The following CDK19 variants were observed in gnomAD, a reference collection of about 807,000 sequenced individuals.
CDK19 encodes the protein cyclin-dependent kinase 19.
In CDK19, 20 loss-of-function variants were observed where a neutral mutation model predicts 68.3. The ratio of observed to expected loss-of-function variants is 0.29; its 90% CI spans 0.21 to 0.43. CDK19 has a LOEUF of 0.43. Ranked by LOEUF, CDK19 falls within the 20% of genes least tolerant of loss-of-function variation. The probability of loss-of-function intolerance (pLI) is 1.00; values close to 1 mark genes in which losing one functional copy is unlikely to be tolerated. For missense variants in CDK19, 339 were observed against 623.5 expected (o/e 0.54, Z 4.86); for synonymous variants, 221 against 222.8 (o/e 0.99, Z 0.07).
chr6:110,675,418 G>A (rs923979502), intron 2 of CDK19, among the ~76,000 whole-genome samples: 7 of 151,952 alleles, frequency 4.6e-5, no homozygotes, highest in South Asian at 2.1e-4. Flanking sequence ...ACCTGAGGTC[G>A]GGAGTTCGAG....
intron 1 of CDK19, among the ~76,000 whole-genome samples, chr6:110,763,678 G>C (rs1016410118): frequency 2.6e-5 from 4 of 151,808 alleles, no homozygotes; most frequent in African/African-American, 9.7e-5. Context: ...GACTCCCAAA[G>C]TGCTGGGATT....
chr6:110,815,141 T>C lies in CDK19; in HGVS notation c.-5A>G. ...CGCCTTGAAATCATAATCCATTGTC[T>C]GCTTCCCCCATAGAGGCACGGGACG... On this transcript the variant is annotated 5_prime_UTR_variant, in exon 1 of 13. Transcript: ENST00000368911. 2 of 1,590,592 alleles carry C rather than the reference T, an allele frequency of 1.3e-6. No homozygotes were observed. Among genetic ancestry groups the C allele is most frequent in the Non-Finnish European group, 1.7e-6 (2 of 1,170,296 alleles).
intron 4 of CDK19, among the ~76,000 whole-genome samples, chr6:110,647,111 T>A (rs1470458851): frequency 1.3e-5 from 2 of 152,004 alleles, no homozygotes; most frequent in Non-Finnish European, 2.9e-5. Context: ...CTCCCCTCTA[T>A]CACCCCCAAA....
intron 2 of CDK19, among the ~76,000 whole-genome samples, chr6:110,685,143 A>C (rs961544685): frequency 2.1e-4 from 32 of 152,196 alleles, no homozygotes; most frequent in Non-Finnish European, 4.0e-4. Context: ...GTCTCAAAAA[A>C]AAAGAAAAGA....
chr6:110,740,523 G>C (rs965736989), intron 2 of CDK19, among the ~76,000 whole-genome samples: 2 of 152,112 alleles, frequency 1.3e-5, no homozygotes, highest in Non-Finnish European at 2.9e-5. Flanking sequence ...AGTGAGACGA[G>C]GTAATAACAC....
At chr6:110,758,075 C>G (rs1009385193) in intron 1 of CDK19, among the ~76,000 whole-genome samples, 1 of 151,972 alleles carries the variant, frequency 6.6e-6, no homozygotes, top group African/African-American at 2.4e-5. Flanking sequence ...ACCTGTGGTC[C>G]CAGCTACTCA....
At chr6:110,646,354 T>G (rs977575011) in intron 4 of CDK19, 1 of 1,464,304 alleles carries the variant, frequency 6.8e-7, no homozygotes, top group Admixed American at 2.5e-5. Flanking sequence ...TTCGAGTGCC[T>G]CTTCCATGTG....
chr6:110,783,580 G>A (rs958978934), intron 1 of CDK19, among the ~76,000 whole-genome samples: 7 of 150,118 alleles, frequency 4.7e-5, no homozygotes, highest in African/African-American at 7.4e-5. Context: ...GGAGGTTTCC[G>A]TGAGCCGAGA....
At chr6:110,728,572 T>TAAA (rs11378068) in intron 2 of CDK19, among the ~76,000 whole-genome samples, 20,473 of 144,516 alleles carry the variant, frequency 0.14, 1,546 homozygotes, top group East Asian at 0.31. Context: ...GTCAGAGTGG[T>TAAA]AAAAAAAAAA....
chr6:110,780,679 T>G (rs760863350), intron 1 of CDK19, among the ~76,000 whole-genome samples: 1 of 152,086 alleles, frequency 6.6e-6, no homozygotes, highest in Non-Finnish European at 1.5e-5. Context: ...AACAAATATT[T>G]ATTGAGGATC....
intron 1 of CDK19, among the ~76,000 whole-genome samples, chr6:110,781,828 C>T (rs1264003753): frequency 2.0e-5 from 3 of 150,860 alleles, no homozygotes; most frequent in African/African-American, 7.3e-5. Flanking sequence ...AACGTGAGAC[C>T]CTGTCTCAAA....
At chr6:110,814,836 G>A (rs1370760882) in intron 1 of CDK19, 173 bp downstream of exon 1, 2 of 836,572 alleles carry the variant, frequency 2.4e-6, no homozygotes, top group South Asian at 1.5e-5. Flanking sequence ...GGGCCGCGCG[G>A]GGGAGGCGGG....
chr6:110,814,529 G>C (rs1295169096), intron 1 of CDK19: 1 of 451,588 alleles, frequency 2.2e-6, no homozygotes, highest in African/African-American at 2.0e-5. Context: ...GAGGACCCCA[G>C]GCCGCGTTCG....
chr6:110,811,140 G>C (rs1418517431), intron 1 of CDK19, among the ~76,000 whole-genome samples: 1 of 152,064 alleles, frequency 6.6e-6, no homozygotes, highest in Non-Finnish European at 1.5e-5. Context: ...CTAAAACTTT[G>C]GAAAGTTCTA....
chr6:110,664,800 C>CA (rs1398588747), intron 4 of CDK19, among the ~76,000 whole-genome samples: 1 of 152,010 alleles, frequency 6.6e-6, no homozygotes, highest in Non-Finnish European at 1.5e-5. Context: ...GAACCAACAA[C>CA]AAGAAGAGAT....
intron 2 of CDK19, among the ~76,000 whole-genome samples, chr6:110,725,286 T>C (rs1029391644): frequency 5.9e-5 from 9 of 151,940 alleles, no homozygotes; most frequent in African/African-American, 1.9e-4. Context: ...ACTGAGGTAA[T>C]AGAAATTAAA....
intron 2 of CDK19, among the ~76,000 whole-genome samples, chr6:110,731,180 TC>T (rs1776733710): frequency 6.6e-6 from 1 of 151,862 alleles, no homozygotes; most frequent in South Asian, 2.1e-4. Context: ...AATATCAAGC[TC>T]TTTCCCAGGC....
chr6:110,762,351 C>A (rs1779286304), intron 1 of CDK19, among the ~76,000 whole-genome samples: 1 of 152,098 alleles, frequency 6.6e-6, no homozygotes, highest in Non-Finnish European at 1.5e-5. Flanking sequence ...TTGTGAACAC[C>A]CTAGCCTGAG....
chr6:110,767,229 G>C (rs1779658991), intron 1 of CDK19, among the ~76,000 whole-genome samples: 1 of 152,036 alleles, frequency 6.6e-6, no homozygotes, highest in South Asian at 2.1e-4. Context: ...AAGGGCCAGG[G>C]GATGGGGAGA....
Sources: allele counts gnomAD v4.1 joint callset (sites outside exome capture counted in the v4.1 genomes callset), GRCh38; gene constraint gnomAD v4.1.1; transcripts MANE v1.5; gene names NCBI Gene and HGNC (gene_info 2026-07-23, HGNC 2026-07-21).